TECRL: variants seen among roughly 807,000 people sequenced by gnomAD.
TECRL encodes the protein trans-2,3-enoyl-CoA reductase like.
TECRL carries 63 observed loss-of-function variants against 52.8 expected under a neutral mutation model. The ratio of observed to expected loss-of-function variants is 1.19; its 90% CI spans 0.97 to 1.47. The LOEUF (loss-of-function observed/expected upper bound fraction) is 1.47. TECRL is among the 40% of genes most tolerant of loss of function. TECRL has a pLI of 0.00. For synonymous variants in TECRL, 164 were observed against 141.9 expected, an observed-to-expected ratio of 1.16 and a Z score of -1.10; for missense variants, 482 against 429.6, an observed-to-expected ratio of 1.12 and a Z score of -1.08.
chr4:64,408,755 T>C (rs1303652053), intron 1 of TECRL, among the ~76,000 whole-genome samples: 1 of 152,124 alleles, frequency 6.6e-6, no homozygotes, highest in African/African-American at 2.4e-5. Context: ...TGATAATTTG[T>C]ATATACAATG....
intron 9 of TECRL, among the ~76,000 whole-genome samples, chr4:64,283,943 A>T (rs1201998963): frequency 6.6e-6 from 1 of 152,006 alleles, no homozygotes; most frequent in East Asian, 1.9e-4. Context: ...AGCCACTACA[A>T]CTAGGGTTAT....
chr4:64,329,402 A>G (rs946650600), intron 2 of TECRL, among the ~76,000 whole-genome samples: 1 of 151,854 alleles, frequency 6.6e-6, no homozygotes, highest in East Asian at 1.9e-4. Context: ...ACTCAGGACT[A>G]GAAAGGGATG....
intron 2 of TECRL, among the ~76,000 whole-genome samples, chr4:64,329,143 C>T (rs192434239): frequency 6.5e-4 from 98 of 151,868 alleles, no homozygotes; most frequent in African/African-American, 2.2e-3. Context: ...ATAGAAAAAT[C>T]AAATCATCTT....
intron 3 of TECRL, among the ~76,000 whole-genome samples, chr4:64,323,142 G>T (rs918815277): frequency 1.3e-5 from 2 of 151,912 alleles, no homozygotes; most frequent in African/African-American, 4.8e-5. Context: ...GCTCACATCT[G>T]TAATCTCAAA....
chr4:64,343,879 G>T (rs941355089), intron 2 of TECRL, among the ~76,000 whole-genome samples: 1 of 151,932 alleles, frequency 6.6e-6, no homozygotes, highest in African/African-American at 2.4e-5. Context: ...AAATGTCATG[G>T]CTTGTGGAGA....
At chr4:64,292,690 A>T (rs1406954677) in intron 8 of TECRL, among the ~76,000 whole-genome samples, 1 of 152,042 alleles carries the variant, frequency 6.6e-6, no homozygotes, top group Non-Finnish European at 1.5e-5. Flanking sequence ...CAGAACTATA[A>T]GCAACCCAGG....
At chr4:64,348,236 C>A (rs1190839372) in intron 2 of TECRL, among the ~76,000 whole-genome samples, 2 of 152,064 alleles carry the variant, frequency 1.3e-5, no homozygotes, top group Admixed American at 6.6e-5. Flanking sequence ...GAAGCAAGGA[C>A]CTTCTTCACA....
At chr4:64,281,380 T>G (rs1722819721) in intron 10 of TECRL, 94 bp downstream of exon 10, 1 of 758,872 alleles carries the variant, frequency 1.3e-6, no homozygotes, top group Admixed American at 3.1e-5. Flanking sequence ...ATTTTTCCTG[T>G]ATATATTAAT....
At position 64,314,632 on chromosome 4, in the gene TECRL, TGTGTG is replaced by T; in HGVS notation, c.551+11_551+15del. ...GTGTGTGTGTGTGTGTGTGTGTGTG[TGTGTG>T]TATCACTTACTGTACCACTGGGTGG... On this transcript the variant is annotated intron_variant, in intron 5 of 11. Transcript: ENST00000381210. The T allele has an allele frequency of 9.0e-7, 1 of 1,113,570 alleles. No homozygotes were observed. The highest frequency in any genetic ancestry group is 1.4e-6 in the Non-Finnish European group (1 of 732,544). The allele number at this position is 1,113,570 out of a possible 1,614,324, so 69.0% of individuals were successfully genotyped here. A position where few individuals can be genotyped will look rare whatever the true frequency, so the allele number is the denominator to read the frequency against.
Position 64,403,254 on chromosome 4 carries a change from A to G in TECRL, c.234+5864T>C, listed in dbSNP as rs547731553. 9.9e-5 allele frequency among the ~76,000 whole-genome samples: 15 copies of G among 152,168 alleles called. No individual in the cohort carries two copies. In the East Asian group the frequency reaches 2.5e-3, roughly 26 times the overall value. On this transcript the variant is annotated intron_variant, in intron 1 of 11. Transcript: ENST00000381210. ...GCTACAAAGATCACCTATACATTTT[A>G]AATTTCCAAATCAACATATTTAACC...
intron 2 of TECRL, among the ~76,000 whole-genome samples, chr4:64,354,430 T>C (rs1171789589): frequency 1.3e-5 from 2 of 152,198 alleles, no homozygotes; most frequent in Non-Finnish European, 2.9e-5. Flanking sequence ...GACAAATCTC[T>C]CTTTTACAGC....
Position 64,292,694 on chromosome 4 carries a change from A to G in TECRL, c.775-2927T>C, listed in dbSNP as rs199680704. 5.3e-5 allele frequency among the ~76,000 whole-genome samples: 8 copies of G among 152,000 alleles called. 1 individual carries two copies. In the East Asian group the frequency reaches 9.6e-4, roughly 18 times the overall value. On this transcript the variant is annotated intron_variant, in intron 8 of 11. Coordinates refer to ENST00000381210, the MANE Select transcript of TECRL (RefSeq NM_001010874.5). ...AAACACACTCACAGAACTATAAGCA[A>G]CCCAGGGACATTGCCAGAACTGCTT...
At chr4:64,350,747 C>T (rs1720328951) in intron 2 of TECRL, among the ~76,000 whole-genome samples, 1 of 151,792 alleles carries the variant, frequency 6.6e-6, no homozygotes, top group Admixed American at 6.6e-5. Context: ...CCCTGAGTCT[C>T]CAGTCTGCCC....
At chr4:64,337,425 A>T (rs923816933) in intron 2 of TECRL, among the ~76,000 whole-genome samples, 3 of 152,184 alleles carry the variant, frequency 2.0e-5, no homozygotes, top group African/African-American at 7.2e-5. Flanking sequence ...AGTTCTGGCC[A>T]GGGCAATTAG....
At chr4:64,347,614 G>T (rs540682051) in intron 2 of TECRL, among the ~76,000 whole-genome samples, 1 of 152,112 alleles carries the variant, frequency 6.6e-6, no homozygotes, top group Non-Finnish European at 1.5e-5. Flanking sequence ...TCACAAGGTT[G>T]CAGGAGAGAG....
chr4:64,307,211 AC>A, intron 6 of TECRL, among the ~76,000 whole-genome samples: 1 of 151,790 alleles, frequency 6.6e-6, no homozygotes, highest in African/African-American at 2.4e-5. Flanking sequence ...ATTTAAGGAC[AC>A]CCCCCCTTCA....
intron 1 of TECRL, among the ~76,000 whole-genome samples, chr4:64,378,387 G>A (rs1193669129): frequency 6.6e-6 from 1 of 151,930 alleles, no homozygotes; most frequent in East Asian, 1.9e-4. Context: ...GCAACATGGC[G>A]GAAATCCCAT....
chr4:64,402,667 T>C (rs1724432694), intron 1 of TECRL, among the ~76,000 whole-genome samples: 1 of 152,042 alleles, frequency 6.6e-6, no homozygotes, highest in Non-Finnish European at 1.5e-5. Flanking sequence ...TTACAAAATG[T>C]GTATTGAGCC....
rs3943218 is a variant in TECRL, at chr4:64,278,299, A to G, written c.*1773T>C. On this transcript the variant is annotated 3_prime_UTR_variant, in exon 12 of 12. Coordinates refer to ENST00000381210, the MANE Select transcript of TECRL (RefSeq NM_001010874.5). ...TAAATAAAAATGTTACACTTTTAATATAGCTATAATTTCCGCAAGAATTTG... is the reference window on the plus strand; with the variant it reads ...TAAATAAAAATGTTACACTTTTAATGTAGCTATAATTTCCGCAAGAATTTG... The G allele has an allele frequency of 0.97, 151,628 of 156,420 alleles. 73,509 individuals carry two copies. Among genetic ancestry groups the G allele is most frequent in the East Asian group, 1 (5,188 of 5,188 alleles). The allele number at this position is 156,420 out of a possible 1,614,324, so 9.7% of individuals were successfully genotyped here.
Sources: allele counts gnomAD v4.1 joint callset (sites outside exome capture counted in the v4.1 genomes callset), GRCh38; gene constraint gnomAD v4.1.1; transcripts MANE v1.5; gene names NCBI Gene and HGNC (gene_info 2026-07-23, HGNC 2026-07-21).